GRIK3: variants seen among roughly 807,000 people sequenced by gnomAD.
GRIK3 encodes the protein glutamate receptor ionotropic, kainate 3.
GRIK3 carries 29 observed loss-of-function variants against 102.5 expected under a neutral mutation model. The ratio of observed to expected loss-of-function variants is 0.28; its 90% CI spans 0.21 to 0.39. GRIK3 has a LOEUF of 0.39. GRIK3 is among the 10% of genes least tolerant of loss of function. GRIK3 has a pLI of 1.00. For synonymous variants in GRIK3, 511 were observed against 504.9 expected, an observed-to-expected ratio of 1.01 and a Z score of -0.16; for missense variants, 908 against 1,252.4, an observed-to-expected ratio of 0.73 and a Z score of 4.15.
At chr1:36,851,625 A>T (rs1640586332) in intron 8 of GRIK3, among the ~76,000 whole-genome samples, 1 of 152,252 alleles carries the variant, frequency 6.6e-6, no homozygotes, top group African/African-American at 2.4e-5. Context: ...ACCAGGTGCT[A>T]TGGAGATGTG....
At chr1:36,977,241 A>G (rs959288851) in intron 1 of GRIK3, among the ~76,000 whole-genome samples, 6 of 152,240 alleles carry the variant, frequency 3.9e-5, no homozygotes, top group African/African-American at 1.2e-4. Flanking sequence ...TAGGGTAACA[A>G]ATGAAATCAT....
At chr1:36,837,639 A>G (rs1640396293) in intron 10 of GRIK3, among the ~76,000 whole-genome samples, 1 of 152,004 alleles carries the variant, frequency 6.6e-6, no homozygotes, top group African/African-American at 2.4e-5. Flanking sequence ...GATTCTCCAT[A>G]GCCCTCGGGA....
chr1:36,916,749 G>A (rs934543777), intron 1 of GRIK3, among the ~76,000 whole-genome samples: 2 of 152,188 alleles, frequency 1.3e-5, no homozygotes, highest in Admixed American at 6.5e-5. Context: ...CTAGATTTCA[G>A]AGGATGTATG....
At chr1:37,021,827 G>A (rs1642718018) in intron 1 of GRIK3, among the ~76,000 whole-genome samples, 3 of 152,164 alleles carry the variant, frequency 2.0e-5, no homozygotes, top group African/African-American at 4.8e-5. Flanking sequence ...CATTGGTACA[G>A]TAGACAGATC....
Position 36,850,252 on chromosome 1 carries a change from G to A in GRIK3, c.1326+59C>T, listed in dbSNP as rs970236119. ...GGGGATAGAGGGGACTCTCCAGCCC[G>A]AACGGCCACCCCACCCCCAGGTCGG... On this transcript the variant is annotated intron_variant, in intron 9 of 15. Transcript: ENST00000373091. This position sits in a 1 kb window ranked among gnomAD's most constrained non-coding sequence, Gnocchi z 4.0. 1.4e-5 allele frequency: 15 copies of A among 1,096,976 alleles called. No individual in the cohort carries two copies. The highest frequency in any genetic ancestry group is 2.5e-5 in the South Asian group (2 of 80,600). 68.0% of individuals were successfully genotyped at this position (1,096,976 alleles called of 1,614,324 possible).
At chr1:36,940,258 C>T (rs886888717) in intron 1 of GRIK3, among the ~76,000 whole-genome samples, 16 of 152,356 alleles carry the variant, frequency 1.1e-4, no homozygotes, top group African/African-American at 2.6e-4. Context: ...TCTCCACCTC[C>T]GTCCTGTGGC....
intron 1 of GRIK3, among the ~76,000 whole-genome samples, chr1:36,958,176 G>C (rs60324252): frequency 1.8e-5 from 2 of 109,572 alleles, no homozygotes; most frequent in South Asian, 6.9e-4. Flanking sequence ...TGCCCTGTGA[G>C]TCTGTGCCCC....
chr1:36,921,917 C>T (rs1641477884), intron 1 of GRIK3, among the ~76,000 whole-genome samples: 1 of 152,136 alleles, frequency 6.6e-6, no homozygotes, highest in Non-Finnish European at 1.5e-5. Context: ...CCTTCCCTCC[C>T]ACCTCTCTCC....
chr1:36,881,996 C>A (rs1342266424), intron 2 of GRIK3, among the ~76,000 whole-genome samples: 1 of 129,066 alleles, frequency 7.7e-6, no homozygotes, highest in Non-Finnish European at 1.7e-5. Context: ...CCTCAAGACT[C>A]CCTCCCCCTC....
At chr1:37,013,148 G>T (rs1181812094) in intron 1 of GRIK3, among the ~76,000 whole-genome samples, 4 of 152,124 alleles carry the variant, frequency 2.6e-5, no homozygotes, top group African/African-American at 9.7e-5. Flanking sequence ...AAGCAAAAGG[G>T]GAAACCCCTT....
chr1:36,965,411 G>A (rs1470303107), intron 1 of GRIK3, among the ~76,000 whole-genome samples: 1 of 152,150 alleles, frequency 6.6e-6, no homozygotes, highest in African/African-American at 2.4e-5. Flanking sequence ...ACTCGCCAGC[G>A]AACAGTGAGT....
chr1:36,853,361 C>T (rs976779931), intron 8 of GRIK3, among the ~76,000 whole-genome samples: 1 of 152,224 alleles, frequency 6.6e-6, no homozygotes, highest in Non-Finnish European at 1.5e-5. Context: ...CCCAATGACC[C>T]TTACTCACAG....
At chr1:36,849,482 C>T (rs545169751) in intron 9 of GRIK3, among the ~76,000 whole-genome samples, 2 of 152,362 alleles carry the variant, frequency 1.3e-5, no homozygotes, top group South Asian at 4.1e-4. Context: ...CTAGCATTGT[C>T]CTCAAAGGGT....
At chr1:37,012,639 C>T (rs1642609704) in intron 1 of GRIK3, among the ~76,000 whole-genome samples, 1 of 152,190 alleles carries the variant, frequency 6.6e-6, no homozygotes, top group Non-Finnish European at 1.5e-5. Flanking sequence ...TCTGTGTTTT[C>T]AGATGAGAAA....
rs1557690976 is a variant in GRIK3 at position 36,817,081 on chromosome 1, C to T, written c.2070G>A (p.Gly690=). ...TCACCTTGAAGAAGGTCATGGTGGC[C>T]CCATCCTTGACAGCCCCATACTCGA... ...TKIEYGAVKD[G]ATMTFFKKSK... is the part of the protein sequence containing the mutation. The change falls in exon 13 of 16, where the codon GGG becomes GGA. Residue 690 remains glycine, a synonymous_variant. Transcript: ENST00000373091. 3 of 1,613,682 alleles carry T rather than the reference C, an allele frequency of 1.9e-6. No homozygotes were observed. In the South Asian group the frequency reaches 3.3e-5, roughly 18 times the overall value.
intron 1 of GRIK3, among the ~76,000 whole-genome samples, chr1:37,017,736 A>C (rs550654836): frequency 4.6e-5 from 7 of 152,144 alleles, no homozygotes; most frequent in Non-Finnish European, 1.0e-4. Context: ...TTTTTTTAAA[A>C]AGACTCTCTC....
At chr1:36,990,750 G>A (rs1028499159) in intron 1 of GRIK3, among the ~76,000 whole-genome samples, 7 of 152,152 alleles carry the variant, frequency 4.6e-5, no homozygotes, top group Non-Finnish European at 2.9e-5. Flanking sequence ...AGAGCCACTG[G>A]GCAGTTGCAA....
intron 10 of GRIK3, among the ~76,000 whole-genome samples, chr1:36,835,061 G>T (rs1405659647): frequency 6.6e-6 from 1 of 152,214 alleles, no homozygotes; most frequent in African/African-American, 2.4e-5. Context: ...AATATCACTT[G>T]TCTGATTCAT....
intron 1 of GRIK3, among the ~76,000 whole-genome samples, chr1:36,976,141 A>C (rs1500792): frequency 0.16 from 24,925 of 152,014 alleles, 2,193 homozygotes; most frequent in South Asian, 0.2. Context: ...GGGTGTGTGT[A>C]GTGGGGTAGT....
Sources: gnomAD v4.1 joint callset for allele counts (sites outside exome capture counted in the v4.1 genomes callset) on GRCh38, gnomAD v4.1.1 for gene constraint, Gnocchi (gnomAD v3.1) non-coding constraint, MANE v1.5 for transcripts, NCBI Gene and HGNC (gene_info 2026-07-23, HGNC 2026-07-21) for gene names.